SNTB1: variants seen among roughly 807,000 people sequenced by gnomAD.
SNTB1 encodes the protein beta-1-syntrophin.
In SNTB1, 36 loss-of-function variants were observed where a neutral mutation model predicts 48.9. The observed-to-expected ratio is 0.74, with a 90% CI of 0.56 to 0.97. The LOEUF (loss-of-function observed/expected upper bound fraction) is 0.97, where lower values mean the gene tolerates loss of function less well. Ranked by LOEUF, SNTB1 falls within the 50% of genes least tolerant of loss-of-function variation. The probability of loss-of-function intolerance (pLI) is 0.00; values close to 1 mark genes in which losing one functional copy is unlikely to be tolerated. For synonymous variants in SNTB1, 299 were observed against 294.6 expected (o/e 1.01, Z -0.15); for missense variants, 786 against 703.4 (o/e 1.12, Z -1.33).
At chr8:120,649,108 T>G (rs1335507842) in intron 2 of SNTB1, among the ~76,000 whole-genome samples, 1 of 149,814 alleles carries the variant, frequency 6.7e-6, no homozygotes. Context: ...TGCCTTTGGT[T>G]TGAATGTCCT....
At chr8:120,583,552 C>A (rs1173091561) in intron 3 of SNTB1, among the ~76,000 whole-genome samples, 2 of 108,046 alleles carry the variant, frequency 1.9e-5, no homozygotes, top group African/African-American at 5.4e-5. Context: ...CACACACACA[C>A]ACACACACAA....
intron 3 of SNTB1, among the ~76,000 whole-genome samples, chr8:120,599,139 C>G (rs759560436): frequency 7.2e-5 from 11 of 152,182 alleles, no homozygotes; most frequent in Admixed American, 3.9e-4. Flanking sequence ...AAGGTGCTAC[C>G]TCTATATAAG....
chr8:120,603,609 A>G (rs528996810), intron 3 of SNTB1, among the ~76,000 whole-genome samples: 1 of 152,196 alleles, frequency 6.6e-6, no homozygotes, highest in African/African-American at 2.4e-5. Flanking sequence ...CCAGCAATCT[A>G]TGTTCCAACA....
chr8:120,627,965 T>G (rs1303091852), intron 3 of SNTB1, among the ~76,000 whole-genome samples: 1 of 152,238 alleles, frequency 6.6e-6, no homozygotes, highest in Non-Finnish European at 1.5e-5. Context: ...ATTTGAAGCA[T>G]ATTGCTCACA....
At chr8:120,692,470 T>C (rs1297067996) in intron 2 of SNTB1, among the ~76,000 whole-genome samples, 1 of 152,218 alleles carries the variant, frequency 6.6e-6, no homozygotes, top group African/African-American at 2.4e-5. Context: ...ATCCCTCGCT[T>C]TCTTTATTTC....
At chr8:120,743,714 G>A (rs1410633683) in intron 1 of SNTB1, among the ~76,000 whole-genome samples, 1 of 152,188 alleles carries the variant, frequency 6.6e-6, no homozygotes, top group East Asian at 1.9e-4. Context: ...TTACAACGTT[G>A]GCAGGTGGCA....
intron 2 of SNTB1, among the ~76,000 whole-genome samples, chr8:120,688,766 T>C (rs756513996): frequency 3.3e-5 from 5 of 152,210 alleles, no homozygotes; most frequent in Admixed American, 6.5e-5. Flanking sequence ...AATTACGGAC[T>C]ATTTAAAGCC....
chr8:120,651,434 A>T (rs1445071169), intron 2 of SNTB1, among the ~76,000 whole-genome samples: 1 of 152,214 alleles, frequency 6.6e-6, no homozygotes, highest in East Asian at 1.9e-4. Context: ...GTTCCTGTTA[A>T]GGGGCACAAG....
chr8:120,811,785 G>A lies in SNTB1; in HGVS notation c.59C>T (p.Ala20Val). The change falls in exon 1 of 7, where the codon GCG (alanine) becomes GTG (valine). Residue 20 changes from alanine (A) to valine (V), a missense_variant. Ala to Val is a moderately conservative substitution (Grantham distance 64). Coordinates refer to ENST00000517992, the MANE Select transcript of SNTB1 (RefSeq NM_021021.4). ...AGPAGAGGGR[A>V]QRSGLLEVLV... is the part of the protein sequence containing the mutation. ...AACTTCCAGCAGCCCGCTCCGCTGC[G>A]CCCGGCCGCCTCCCGCGCCAGCCGG... The A allele has an allele frequency of 1.4e-6, 2 of 1,461,648 alleles. No individual in the cohort carries two copies. Among genetic ancestry groups the A allele is most frequent in the Non-Finnish European group, 1.8e-6 (2 of 1,108,752 alleles). The allele number at this position is 1,461,648 out of a possible 1,614,324, so 90.5% of individuals were successfully genotyped here.
At chr8:120,798,774 A>G (rs1820165536) in intron 1 of SNTB1, among the ~76,000 whole-genome samples, 1 of 152,058 alleles carries the variant, frequency 6.6e-6, no homozygotes, top group African/African-American at 2.4e-5. Flanking sequence ...CCAGCTTTTT[A>G]TAAAAGATTT....
Position 120,693,844 on chromosome 8 carries a change from C to T in SNTB1, c.636G>A (p.Trp212Ter). ...GAGGGGATTCAGGCGGAGGTGTTTC[C>T]CACCCAATCTCGGATACTGGGGATC... The part of the protein sequence containing the change: ...KKGSPVSEIG[W>*]ETPPPESPRL... The change falls in exon 2 of 7, where the codon TGG becomes TGA. Residue 212 changes from tryptophan (W) to a stop codon, truncating the protein, a stop_gained. Coordinates refer to ENST00000517992, the MANE Select transcript of SNTB1 (RefSeq NM_021021.4). LOFTEE classifies it high-confidence loss of function. 4 of 1,614,090 alleles carry T rather than the reference C, an allele frequency of 2.5e-6. No homozygotes were observed. The highest frequency in any genetic ancestry group is 3.4e-6 in the Non-Finnish European group (4 of 1,180,000).
At chr8:120,764,780 C>G (rs888346332) in intron 1 of SNTB1, among the ~76,000 whole-genome samples, 25 of 152,236 alleles carry the variant, frequency 1.6e-4, no homozygotes, top group Middle Eastern at 3.4e-3. Flanking sequence ...TAAGTGTAGA[C>G]TTTAATAAGT....
At position 120,711,761 on chromosome 8, in the gene SNTB1, A is replaced by G. The variant is rs1587107507; in HGVS notation, c.572-17853T>C. On this transcript the variant is annotated intron_variant, in intron 1 of 6. Transcript: ENST00000517992. Reference sequence around the variant, plus strand: ...GCTCTGAGGACCCTAAAACATAATAAAGTACTTGTAGTCTAACATGCTATC... The same window carrying G: ...GCTCTGAGGACCCTAAAACATAATAGAGTACTTGTAGTCTAACATGCTATC... Among the ~76,000 whole-genome samples the G allele has an allele frequency of 2.0e-5, 3 of 152,304 alleles. No individual in the cohort carries two copies. In the East Asian group the frequency reaches 5.8e-4, roughly 29 times the overall value.
rs77120898 is a variant in SNTB1, at chr8:120,725,151, A to C, written c.572-31243T>G. On this transcript the variant is annotated intron_variant, in intron 1 of 6. Coordinates refer to ENST00000517992, the MANE Select transcript of SNTB1 (RefSeq NM_021021.4). ...AATGTGAGGCTGGGAAGAAGGAGGTAAGTGGAAAGAGGATGGGCGAGGTGA... is the reference window on the plus strand; with the variant it reads ...AATGTGAGGCTGGGAAGAAGGAGGTCAGTGGAAAGAGGATGGGCGAGGTGA... Among the ~76,000 whole-genome samples, 40 of 152,284 alleles carry C rather than the reference A, an allele frequency of 2.6e-4. 1 individual carries two copies. Among genetic ancestry groups the C allele is most frequent in the Middle Eastern group, 3.4e-3 (1 of 294 alleles).
intron 1 of SNTB1, among the ~76,000 whole-genome samples, chr8:120,807,857 A>G (rs1851760198): frequency 6.6e-6 from 1 of 152,218 alleles, no homozygotes; most frequent in Admixed American, 6.5e-5. Context: ...ATAAGCTTTC[A>G]TATCAGATAG....
intron 2 of SNTB1, among the ~76,000 whole-genome samples, chr8:120,659,514 A>C (rs1482647803): frequency 6.6e-6 from 1 of 152,176 alleles, no homozygotes; most frequent in Non-Finnish European, 1.5e-5. Context: ...CTTCAGAGTT[A>C]CCCATGAGGG....
intron 1 of SNTB1, among the ~76,000 whole-genome samples, chr8:120,697,721 G>A (rs1044362744): frequency 2.6e-5 from 4 of 152,206 alleles, no homozygotes; most frequent in Non-Finnish European, 5.9e-5. Context: ...GCAAGAACCA[G>A]CACTAAGGGC....
At chr8:120,550,542 T>TAAAAGA (rs1815463316) in intron 4 of SNTB1, among the ~76,000 whole-genome samples, 5 of 126,674 alleles carry the variant, frequency 3.9e-5, no homozygotes, top group Admixed American at 2.5e-4. Context: ...ACTCTGTCTT[T>TAAAAGA]AAAAAAAAAA....
At chr8:120,769,641 G>C (rs1020124165) in intron 1 of SNTB1, 2 of 152,202 alleles carry the variant, frequency 1.3e-5, no homozygotes, top group African/African-American at 4.8e-5. Flanking sequence ...TGTACAGAGG[G>C]AGCTGCTCCA....
Sources: allele counts gnomAD v4.1 joint callset (sites outside exome capture counted in the v4.1 genomes callset), GRCh38; gene constraint gnomAD v4.1.1; transcripts MANE v1.5; gene names NCBI Gene and HGNC (gene_info 2026-07-23, HGNC 2026-07-21).